EXD3: variants seen among roughly 807,000 people sequenced by gnomAD.
EXD3 encodes exonuclease mut-7 homolog.
In EXD3, 92 loss-of-function variants were observed where a neutral mutation model predicts 98.0. The observed-to-expected ratio is 0.94, with a 90% CI of 0.79 to 1.12. The LOEUF (loss-of-function observed/expected upper bound fraction) is 1.12. Ranked by LOEUF, EXD3 falls within the 50% of genes most tolerant of loss-of-function variation. The pLI is 0.00. For missense variants in EXD3, 1,222 were observed against 1,191.6 expected (o/e 1.03, Z -0.38); for synonymous variants, 569 against 526.0 (o/e 1.08, Z -1.12).
At position 137,376,478 on chromosome 9, in the gene EXD3, G is replaced by A. The variant is rs959779013; in HGVS notation, c.121-2879C>T. Among the ~76,000 whole-genome samples the A allele has an allele frequency of 3.3e-5, 5 of 151,576 alleles. No homozygotes were observed. In the South Asian group the frequency reaches 6.3e-4, roughly 19 times the overall value. ...GAGCAGAACTCGCCTGCAGGAGGCCGCCTCGAGAGACAAGTAGATTTACGG... is the reference window on the plus strand; with the variant it reads ...GAGCAGAACTCGCCTGCAGGAGGCCACCTCGAGAGACAAGTAGATTTACGG... On this transcript the variant is annotated intron_variant, in intron 3 of 21. Transcript: ENST00000340951.
At chr9:137,377,873 A>G (rs1394872949) in intron 3 of EXD3, among the ~76,000 whole-genome samples, 1 of 131,762 alleles carries the variant, frequency 7.6e-6, no homozygotes. Flanking sequence ...GGCTCACTGC[A>G]ATCTCTGCCT....
intron 3 of EXD3, among the ~76,000 whole-genome samples, chr9:137,382,639 G>C (rs954345147): frequency 5.3e-5 from 8 of 152,188 alleles, no homozygotes; most frequent in Non-Finnish European, 7.3e-5. Flanking sequence ...CAGCGCCAGG[G>C]CTGGGGTCAG....
At position 137,364,682 on chromosome 9, in the gene EXD3, A is replaced by AAAG. The variant is rs1190257618; in HGVS notation, c.656+1810_656+1811insCTT. 2.7e-5 allele frequency among the ~76,000 whole-genome samples: 4 copies of AAAG among 149,934 alleles called. No homozygotes were observed. In the Admixed American group the frequency reaches 2.7e-4, roughly 10 times the overall value. On this transcript the variant is annotated intron_variant, in intron 7 of 21. Coordinates refer to ENST00000340951, the MANE Select transcript of EXD3 (RefSeq NM_017820.5). Reference sequence around the variant, plus strand: ...AATCTAACACTGCAGGGTCTTCTTCACCCTCCCAGTTTCCGTGTATATTTC... The same window carrying AAAG: ...AATCTAACACTGCAGGGTCTTCTTCAAAGCCCTCCCAGTTTCCGTGTATATTTC...
intron 19 of EXD3, among the ~76,000 whole-genome samples, chr9:137,314,896 C>T (rs1179988825): frequency 2.0e-5 from 3 of 152,222 alleles, no homozygotes; most frequent in Non-Finnish European, 4.4e-5. Context: ...GCGCAACAGC[C>T]AGCCCCTCGT....
intron 5 of EXD3, among the ~76,000 whole-genome samples, chr9:137,368,525 T>TC (rs1247895003): frequency 6.6e-6 from 1 of 152,126 alleles, no homozygotes; most frequent in Non-Finnish European, 1.5e-5. Flanking sequence ...CTGGCTGCGA[T>TC]CGGGGCACGG....
chr9:137,422,362 A>G (rs1186330257), intron 1 of EXD3, among the ~76,000 whole-genome samples: 1 of 152,184 alleles, frequency 6.6e-6, no homozygotes, highest in Non-Finnish European at 1.5e-5. Flanking sequence ...GTTAAGTGCC[A>G]GAAAGCATTT....
intron 7 of EXD3, among the ~76,000 whole-genome samples, chr9:137,358,823 C>T (rs1456116198): frequency 6.6e-6 from 1 of 151,846 alleles, no homozygotes; most frequent in African/African-American, 2.4e-5. Context: ...AGTAGCAGGA[C>T]TATAGGCATG....
At chr9:137,357,182 C>G (rs1195198946) in intron 7 of EXD3, 1 of 152,264 alleles carries the variant, frequency 6.6e-6, no homozygotes, top group African/African-American at 2.4e-5. Flanking sequence ...TCCATTTTCA[C>G]TAGTGTTGAG....
chr9:137,402,115 A>T (rs1212573625), intron 1 of EXD3, among the ~76,000 whole-genome samples: 2 of 152,204 alleles, frequency 1.3e-5, no homozygotes, highest in South Asian at 2.1e-4. Flanking sequence ...TTTCTGGTTC[A>T]AGTGATTCTC....
Position 137,335,605 on chromosome 9 carries a change from G to A in EXD3, c.1999-11462C>T, listed in dbSNP as rs577117700. On this transcript the variant is annotated intron_variant, in intron 17 of 21. Transcript: ENST00000340951. ...TGAGGCAGAAGAATCACTTGAACCC[G>A]GGAGGCGGAGGTTGCAGTGAGCCAA... Among the ~76,000 whole-genome samples, 37 of 152,200 alleles carry A rather than the reference G, an allele frequency of 2.4e-4. 1 individual carries two copies. Among genetic ancestry groups the A allele is most frequent in the East Asian group, 9.6e-4 (5 of 5,186 alleles).
intron 1 of EXD3, among the ~76,000 whole-genome samples, chr9:137,408,177 G>A (rs1273729666): frequency 6.6e-6 from 1 of 152,088 alleles, no homozygotes; most frequent in Non-Finnish European, 1.5e-5. Context: ...CTTCCTCTGG[G>A]CGCCTGGATG....
At position 137,330,624 on chromosome 9, in the gene EXD3, A is replaced by ATACAGGAG. The variant is rs1833018980; in HGVS notation, c.1999-6482_1999-6481insCTCCTGTA. On this transcript the variant is annotated intron_variant, in intron 17 of 21. Transcript: ENST00000340951. ...CAGGACTACACAGGACTACACAGGA[A>ATACAGGAG]CTACACAGGACTACACAGGAGCTAC... 2.4e-4 allele frequency among the ~76,000 whole-genome samples: 27 copies of ATACAGGAG among 111,234 alleles called. 5 individuals carry two copies. Among genetic ancestry groups the ATACAGGAG allele is most frequent in the Non-Finnish European group, 3.8e-4 (19 of 49,712 alleles). The allele number at this position is 111,234 out of a possible 152,430, so 73.0% of individuals were successfully genotyped here.
In EXD3 at chr9:137,398,639, CCCGCGTCCCCAAGACACACAGGCGA is replaced by C. The variant is rs1564208527; in HGVS notation, c.-47-3260_-47-3236del. On this transcript the variant is annotated intron_variant, in intron 1 of 21. Coordinates refer to ENST00000340951, the MANE Select transcript of EXD3 (RefSeq NM_017820.5). Reference sequence around the variant, plus strand: ...CCCGCGTCCCCAAGACACACAGGCACCCGCGTCCCCAAGACACACAGGCGACCGCGTCCCCAAGACACACAGGCAC... The same window carrying C: ...CCCGCGTCCCCAAGACACACAGGCACCCGCGTCCCCAAGACACACAGGCAC... 9.9e-5 allele frequency among the ~76,000 whole-genome samples: 14 copies of C among 141,934 alleles called. 1 individual carries two copies. Among genetic ancestry groups the C allele is most frequent in the Non-Finnish European group, 1.5e-4 (10 of 65,758 alleles). 93.1% of individuals were successfully genotyped at this position (141,934 alleles called of 152,430 possible).
At chr9:137,413,121 C>T (rs1838076848) in intron 1 of EXD3, among the ~76,000 whole-genome samples, 1 of 152,112 alleles carries the variant, frequency 6.6e-6, no homozygotes, top group Non-Finnish European at 1.5e-5. Flanking sequence ...AATTCACATA[C>T]CATAAAATTT....
chr9:137,341,373 G>C (rs1436206814), intron 17 of EXD3, among the ~76,000 whole-genome samples: 4 of 152,194 alleles, frequency 2.6e-5, no homozygotes, highest in African/African-American at 9.6e-5. Context: ...ATCATCCTGA[G>C]GTGATTCAGT....
chr9:137,354,812 C>T (rs370607244), intron 8 of EXD3, 39 bp from the exon 9 acceptor site: 2 of 1,581,368 alleles, frequency 1.3e-6, no homozygotes, highest in South Asian at 1.1e-5. Flanking sequence ...GGGCTCAGGG[C>T]AGCCTCACCA....
chr9:137,414,805 C>CTGG (rs1316130085), intron 1 of EXD3, among the ~76,000 whole-genome samples: 1 of 152,180 alleles, frequency 6.6e-6, no homozygotes, highest in Non-Finnish European at 1.5e-5. Flanking sequence ...CAGGGGGGTG[C>CTGG]TGGCATGTTT....
At chr9:137,313,061 T>C (rs1047827482) in intron 19 of EXD3, among the ~76,000 whole-genome samples, 2 of 152,148 alleles carry the variant, frequency 1.3e-5, no homozygotes, top group Admixed American at 6.5e-5. Context: ...CAGACAGGAC[T>C]GGGCAGCTGC....
chr9:137,328,841 A>G (rs372878948), intron 17 of EXD3, among the ~76,000 whole-genome samples: 455 of 9,362 alleles, frequency 0.049, 40 homozygotes, highest in East Asian at 0.35. Context: ...ACTACACGGG[A>G]CTACACGGGG....
Sources: allele counts gnomAD v4.1 joint callset (sites outside exome capture counted in the v4.1 genomes callset), GRCh38; gene constraint gnomAD v4.1.1; transcripts MANE v1.5; gene names NCBI Gene and HGNC (gene_info 2026-07-23, HGNC 2026-07-21).